The following MSH4 variants were observed in gnomAD, a reference collection of about 807,000 sequenced individuals.
The protein encoded by MSH4 is mutS protein homolog 4.
A neutral mutation model predicts 113.7 loss-of-function variants in MSH4; 106 were observed. That is an observed-to-expected ratio of 0.93 (90% CI 0.80 to 1.10). MSH4 has a LOEUF of 1.10. Among genes scored for constraint, MSH4 ranks in the 50% least tolerant of loss-of-function variants. The probability of loss-of-function intolerance (pLI) is 0.00; values close to 1 mark genes in which losing one functional copy is unlikely to be tolerated. For synonymous variants in MSH4, 368 were observed against 380.2 expected (o/e 0.97, Z 0.37); for missense variants, 1,061 against 1,093.7 (o/e 0.97, Z 0.42).
At chr1:75,849,108 T>G (rs1244670567) in intron 8 of MSH4, among the ~76,000 whole-genome samples, 1 of 152,064 alleles carries the variant, frequency 6.6e-6, no homozygotes, top group African/African-American at 2.4e-5. Context: ...ATTTTTGTAT[T>G]TTTAGTAGAG....
intron 9 of MSH4, among the ~76,000 whole-genome samples, chr1:75,872,107 C>T (rs1319423300): frequency 2.0e-5 from 3 of 151,978 alleles, no homozygotes; most frequent in Non-Finnish European, 4.4e-5. Flanking sequence ...TATTCAGCAT[C>T]CTAAAGGGAA....
chr1:75,821,903 G>A (rs146247902), intron 6 of MSH4, among the ~76,000 whole-genome samples: 1 of 152,270 alleles, frequency 6.6e-6, no homozygotes, highest in African/African-American at 2.4e-5. Context: ...GAGCAACCGT[G>A]CGTGGCCCAA....
intron 17 of MSH4, among the ~76,000 whole-genome samples, chr1:75,894,459 C>T (rs1652328933): frequency 6.6e-6 from 1 of 152,220 alleles, no homozygotes; most frequent in Non-Finnish European, 1.5e-5. Context: ...GCCATTACTG[C>T]ATGCCCAGTC....
intron 7 of MSH4, among the ~76,000 whole-genome samples, chr1:75,826,077 G>A (rs1389630714): frequency 1.3e-5 from 2 of 150,116 alleles, no homozygotes; most frequent in Admixed American, 6.7e-5. Context: ...GAATTCGGCT[G>A]TGAATCCATC....
At chr1:75,808,674 A>G (rs5745346) in intron 3 of MSH4, among the ~76,000 whole-genome samples, 242 of 152,288 alleles carry the variant, frequency 1.6e-3, no homozygotes, top group Admixed American at 3.1e-3. Context: ...GCCCAAACCC[A>G]TGATAATGCT....
chr1:75,873,239 G>A (rs1259187667), intron 9 of MSH4, among the ~76,000 whole-genome samples: 1 of 152,020 alleles, frequency 6.6e-6, no homozygotes, highest in Non-Finnish European at 1.5e-5. Flanking sequence ...GAAATATTTT[G>A]TTATTCCTTG....
intron 1 of MSH4, among the ~76,000 whole-genome samples, chr1:75,799,154 A>G (rs1649881468): frequency 1.3e-5 from 2 of 152,190 alleles, no homozygotes; most frequent in African/African-American, 4.8e-5. Context: ...TCTTCATCAG[A>G]TGCTTGGTCA....
At chr1:75,907,684 C>CTCTCTCTATATATATATA (rs1307238647) in intron 19 of MSH4, among the ~76,000 whole-genome samples, 3 of 46,562 alleles carry the variant, frequency 6.4e-5, no homozygotes, top group African/African-American at 9.9e-5. Context: ...CTCTCTCTCT[C>CTCTCTCTATATATATATA]TATACATATA....
intron 6 of MSH4, among the ~76,000 whole-genome samples, chr1:75,820,452 A>T (rs1454044297): frequency 6.6e-6 from 1 of 152,158 alleles, no homozygotes; most frequent in Non-Finnish European, 1.5e-5. Context: ...CTGGTCCTGG[A>T]CATTTTTTGG....
intron 17 of MSH4, among the ~76,000 whole-genome samples, chr1:75,891,378 TAAGA>T: frequency 6.6e-6 from 1 of 152,144 alleles, no homozygotes; most frequent in Non-Finnish European, 1.5e-5. Context: ...TTTTCTTATT[TAAGA>T]TACCTTAAAA....
intron 7 of MSH4, among the ~76,000 whole-genome samples, chr1:75,846,631 T>G (rs1486087651): frequency 6.6e-6 from 1 of 152,202 alleles, no homozygotes; most frequent in Non-Finnish European, 1.5e-5. Flanking sequence ...AGAATGGCCT[T>G]TACTTTCCAT....
chr1:75,892,170 G>A (rs982246989), intron 17 of MSH4, among the ~76,000 whole-genome samples: 2 of 152,138 alleles, frequency 1.3e-5, no homozygotes, highest in Non-Finnish European at 2.9e-5. Context: ...CCTTCAGTAT[G>A]GAAGATCTGT....
chr1:75,862,152 G>A (rs1251274457), intron 8 of MSH4, among the ~76,000 whole-genome samples: 4 of 152,266 alleles, frequency 2.6e-5, no homozygotes, highest in African/African-American at 9.6e-5. Context: ...GAAAAGTGCA[G>A]TATTTGGGCA....
chr1:75,865,377 AC>A (rs1170770859), intron 8 of MSH4, among the ~76,000 whole-genome samples: 2 of 151,954 alleles, frequency 1.3e-5, no homozygotes. Context: ...TCTTGATTGT[AC>A]CCATGGAATT....
At chr1:75,859,093 T>TG (rs1651389356) in intron 8 of MSH4, among the ~76,000 whole-genome samples, 1 of 152,246 alleles carries the variant, frequency 6.6e-6, no homozygotes, top group Non-Finnish European at 1.5e-5. Flanking sequence ...TGAATTTCTG[T>TG]GGGATCGATG....
At chr1:75,818,308 A>ATC (rs907071332) in intron 6 of MSH4, among the ~76,000 whole-genome samples, 50 of 152,150 alleles carry the variant, frequency 3.3e-4, no homozygotes, top group African/African-American at 1.2e-3. Flanking sequence ...TTCTTCATTC[A>ATC]TCTCTCTCTA....
chr1:75,884,979 G>GTA (rs57704986), intron 15 of MSH4, among the ~76,000 whole-genome samples: 105,262 of 142,396 alleles, frequency 0.74, 39,419 homozygotes, highest in East Asian at 0.98. Context: ...ATGTATGTAT[G>GTA]TATATATATG....
chr1:75,853,254 G>A (rs372679345), intron 8 of MSH4, among the ~76,000 whole-genome samples: 4 of 152,008 alleles, frequency 2.6e-5, no homozygotes, highest in African/African-American at 7.2e-5. Flanking sequence ...TAGTAGAAAC[G>A]GGGTTTCACC....
intron 6 of MSH4, among the ~76,000 whole-genome samples, chr1:75,819,487 C>CTAAA (rs993851894): frequency 3.9e-5 from 6 of 152,086 alleles, no homozygotes; most frequent in African/African-American, 7.2e-5. Flanking sequence ...AAGACTCTGT[C>CTAAA]TAAATAAATA....
Sources: allele counts gnomAD v4.1 joint callset (sites outside exome capture counted in the v4.1 genomes callset), GRCh38; gene constraint gnomAD v4.1.1; transcripts MANE v1.5; gene names NCBI Gene and HGNC (gene_info 2026-07-23, HGNC 2026-07-21).